The following BLTP2 variants were observed in gnomAD, a reference collection of about 807,000 sequenced individuals.
The protein encoded by BLTP2 is bridge-like lipid transfer protein family member 2.
At chr17:28,629,509 A>G in the BLTP2 span, among the ~76,000 whole-genome samples, 4 of 151,466 alleles carry the variant, frequency 2.6e-5, no homozygotes, top group Non-Finnish European at 4.4e-5. Flanking sequence ...ACAGAGTCTC[A>G]CTCTTGTCGT....
At chr17:28,641,664 A>G in the BLTP2 span, among the ~76,000 whole-genome samples, 1 of 151,862 alleles carries the variant, frequency 6.6e-6, no homozygotes, top group Non-Finnish European at 1.5e-5. Flanking sequence ...AAAGGAAAAA[A>G]AAAAAACCCA....
At chr17:28,634,888 T>C in the BLTP2 span, 1 of 1,613,996 alleles carries the variant, frequency 6.2e-7, no homozygotes, top group Non-Finnish European at 8.5e-7. Flanking sequence ...CTCCTTACTT[T>C]CATCCTTCAT....
At chr17:28,617,988 A>C in the BLTP2 span, among the ~76,000 whole-genome samples, 1 of 142,540 alleles carries the variant, frequency 7.0e-6, no homozygotes, top group Non-Finnish European at 1.5e-5. Context: ...GCTGCAGTGC[A>C]GTGGCACGAT....
chr17:28,644,930 C>T, the BLTP2 span: 7 of 1,450,920 alleles, frequency 4.8e-6, no homozygotes, highest in East Asian at 2.5e-5. Context: ...TTTCTTCCTC[C>T]TCTCCGCCCC....
the BLTP2 span, chr17:28,645,105 C>A: frequency 1.4e-5 from 22 of 1,529,608 alleles, no homozygotes; most frequent in Admixed American, 2.2e-4. Context: ...CCATGCCGGG[C>A]CCCGACGCCG....
the BLTP2 span, chr17:28,642,162 A>G: frequency 6.3e-7 from 1 of 1,575,368 alleles, no homozygotes; most frequent in Non-Finnish European, 8.7e-7. Context: ...AACACTGGGT[A>G]CTGACTTGAG....
At chr17:28,619,001 T>A in the BLTP2 span, 2 of 1,593,622 alleles carry the variant, frequency 1.3e-6, no homozygotes, top group South Asian at 2.2e-5. Flanking sequence ...CCAAAGCCAG[T>A]AAGGGAAACA....
the BLTP2 span, chr17:28,615,856 C>A: frequency 6.3e-7 from 1 of 1,585,406 alleles, no homozygotes; most frequent in East Asian, 2.2e-5. Flanking sequence ...CATCAGCTGC[C>A]ATTTTGAGTC....
At chr17:28,632,180 A>G in the BLTP2 span, 1 of 1,614,124 alleles carries the variant, frequency 6.2e-7, no homozygotes, top group African/African-American at 1.3e-5. Context: ...CAAGTTGCCC[A>G]GAAGTTTTGC....
chr17:28,644,130 T>C, the BLTP2 span: 3 of 1,614,128 alleles, frequency 1.9e-6, no homozygotes, highest in African/African-American at 2.7e-5. Context: ...AGCCAATCTT[T>C]AGCTCCGCCT....
chr17:28,636,162 T>C, the BLTP2 span, among the ~76,000 whole-genome samples: 1 of 152,214 alleles, frequency 6.6e-6, no homozygotes, highest in Non-Finnish European at 1.5e-5. Context: ...AGCTTCTGAA[T>C]AGCTAAGTGG....
chr17:28,638,025 G>C, the BLTP2 span: 5 of 1,614,186 alleles, frequency 3.1e-6, no homozygotes, highest in Non-Finnish European at 4.2e-6. Flanking sequence ...TGAAGTCCTC[G>C]AATGGTACAA....
chr17:28,617,482 C>T, the BLTP2 span: 10 of 566,818 alleles, frequency 1.8e-5, no homozygotes, highest in Non-Finnish European at 2.9e-5. Flanking sequence ...TCCAGTGTGT[C>T]TCATGGGCAC....
chr17:28,624,839 C>T, the BLTP2 span, among the ~76,000 whole-genome samples: 51 of 152,292 alleles, frequency 3.3e-4, no homozygotes, highest in Non-Finnish European at 6.9e-4. Flanking sequence ...TCTCCCAGGT[C>T]TAAGCTCCTC....
chr17:28,634,878 C>A, the BLTP2 span: 1 of 1,613,986 alleles, frequency 6.2e-7, no homozygotes, highest in Non-Finnish European at 8.5e-7. Context: ...TTTTGGCACT[C>A]TCCTTACTTT....
chr17:28,634,693 G>A, the BLTP2 span: 1 of 1,614,190 alleles, frequency 6.2e-7, no homozygotes, highest in Non-Finnish European at 8.5e-7. Flanking sequence ...TAAGCTCCAA[G>A]TAAGCAGTGC....
chr17:28,642,004 G>C, the BLTP2 span: 4 of 1,613,964 alleles, frequency 2.5e-6, no homozygotes, highest in African/African-American at 4.0e-5. Flanking sequence ...TGATAGCAGT[G>C]AGATGCCGAC....
the BLTP2 span, chr17:28,628,170 A>ATTCT: frequency 9.4e-7 from 1 of 1,062,178 alleles, no homozygotes; most frequent in Non-Finnish European, 1.4e-6. Flanking sequence ...TTACCTAGAT[A>ATTCT]GAAGCACCAT....
At chr17:28,645,157 A>C in the BLTP2 span, 1 of 976,706 alleles carries the variant, frequency 1.0e-6, no homozygotes, top group African/African-American at 1.7e-5. Context: ...CTGCGCGCGC[A>C]GGAGCAACGC....
Sources: gnomAD v4.1 joint callset for allele counts (sites outside exome capture counted in the v4.1 genomes callset) on GRCh38, gnomAD v4.1.1 for gene constraint, MANE v1.5 for transcripts, NCBI Gene and HGNC (gene_info 2026-07-23, HGNC 2026-07-21) for gene names.